The following SIL1 variants were observed in gnomAD, a reference collection of about 807,000 sequenced individuals.
SIL1 encodes SIL1 nucleotide exchange factor.
Under a neutral mutation model 49.1 loss-of-function variants are expected in SIL1, and 40 were observed. The observed-to-expected ratio is 0.81, with a 90% CI of 0.63 to 1.06. SIL1 has a LOEUF of 1.06. SIL1 is among the 50% of genes least tolerant of loss of function. The pLI is 0.00. For synonymous variants in SIL1, 253 were observed against 250.8 expected, an observed-to-expected ratio of 1.01 and a Z score of -0.08; for missense variants, 500 against 572.6, an observed-to-expected ratio of 0.87 and a Z score of 1.29.
chr5:138,996,261 G>T (rs1371600657), intron 7 of SIL1, among the ~76,000 whole-genome samples: 1 of 152,072 alleles, frequency 6.6e-6, no homozygotes, highest in African/African-American at 2.4e-5. Flanking sequence ...ATTTTAATTT[G>T]CATTTATCTG....
chr5:138,949,798 CAAAA>C (rs5871689), intron 9 of SIL1, among the ~76,000 whole-genome samples: 3 of 83,348 alleles, frequency 3.6e-5, no homozygotes, highest in Admixed American at 1.4e-4. Flanking sequence ...GACCCTGTCT[CAAAA>C]AAAAAAAAAA....
At chr5:139,170,239 T>C (rs1751723023) in intron 1 of SIL1, among the ~76,000 whole-genome samples, 2 of 152,012 alleles carry the variant, frequency 1.3e-5, no homozygotes, top group Non-Finnish European at 2.9e-5. Flanking sequence ...CCCAGCAGCC[T>C]GCCTTGGCCT....
At chr5:139,180,300 G>T (rs1031199866) in intron 1 of SIL1, among the ~76,000 whole-genome samples, 6 of 134,984 alleles carry the variant, frequency 4.4e-5, no homozygotes, top group Non-Finnish European at 9.2e-5. Flanking sequence ...AGAATCACAT[G>T]AAACCAGGAG....
At chr5:139,156,479 G>A (rs949295771) in intron 1 of SIL1, among the ~76,000 whole-genome samples, 1 of 152,032 alleles carries the variant, frequency 6.6e-6, no homozygotes, top group East Asian at 1.9e-4. Flanking sequence ...AGGATCCCTT[G>A]AGCCCAGGAG....
intron 4 of SIL1, among the ~76,000 whole-genome samples, chr5:139,049,369 G>T (rs1036132119): frequency 1.3e-5 from 2 of 152,168 alleles, no homozygotes; most frequent in Admixed American, 1.3e-4. Flanking sequence ...TAGAGACAGG[G>T]TTTCATCATG....
intron 3 of SIL1, among the ~76,000 whole-genome samples, chr5:139,113,095 G>A (rs1159342833): frequency 6.6e-6 from 1 of 151,900 alleles, no homozygotes; most frequent in African/African-American, 2.4e-5. Context: ...ATGCTTGAAG[G>A]CAGCATGCTC....
chr5:139,113,270 G>A (rs942020028), intron 3 of SIL1, among the ~76,000 whole-genome samples: 7 of 150,950 alleles, frequency 4.6e-5, no homozygotes, highest in East Asian at 1.9e-4. Context: ...CCCCCTCTGC[G>A]AGAAACACCC....
At chr5:139,051,303 T>C (rs1769279393) in intron 3 of SIL1, 7 of 518,298 alleles carry the variant, frequency 1.4e-5, no homozygotes, top group Admixed American at 6.3e-5. Flanking sequence ...TAGAGACCAA[T>C]GTCCCCCAGT....
At chr5:139,177,326 G>A (rs952121661) in intron 1 of SIL1, among the ~76,000 whole-genome samples, 2 of 152,016 alleles carry the variant, frequency 1.3e-5, no homozygotes, top group South Asian at 2.1e-4. Flanking sequence ...TGCAACCTCC[G>A]CCTCCTGCTT....
intron 1 of SIL1, among the ~76,000 whole-genome samples, chr5:139,165,222 CCTTT>C: frequency 6.6e-6 from 1 of 152,338 alleles, no homozygotes; most frequent in East Asian, 1.9e-4. Context: ...CTAAACATTT[CCTTT>C]CTATTGATCC....
intron 4 of SIL1, among the ~76,000 whole-genome samples, chr5:139,043,230 C>G (rs1391488553): frequency 6.6e-6 from 1 of 152,186 alleles, no homozygotes; most frequent in Admixed American, 6.5e-5. Context: ...CAGACAGAAG[C>G]CATCCACGAA....
chr5:139,161,543 C>T (rs978609320), intron 1 of SIL1, among the ~76,000 whole-genome samples: 1 of 152,176 alleles, frequency 6.6e-6, no homozygotes, highest in African/African-American at 2.4e-5. Context: ...GAACATCTGT[C>T]GGCTAACCCT....
intron 7 of SIL1, among the ~76,000 whole-genome samples, chr5:138,998,764 C>G (rs954372287): frequency 2.0e-5 from 3 of 152,096 alleles, no homozygotes; most frequent in African/African-American, 7.2e-5. Context: ...CAATTACTCT[C>G]CCACCAGGCC....
intron 7 of SIL1, among the ~76,000 whole-genome samples, chr5:138,977,443 C>T (rs1008058552): frequency 2.0e-5 from 3 of 152,140 alleles, no homozygotes; most frequent in African/African-American, 7.2e-5. Flanking sequence ...TTCCTTCTCT[C>T]CCGCAAAGCA....
At chr5:139,008,409 C>T (rs1282954609) in intron 7 of SIL1, among the ~76,000 whole-genome samples, 2 of 124,888 alleles carry the variant, frequency 1.6e-5, no homozygotes. Flanking sequence ...TTTCAAAAAA[C>T]CAGCTCCTGG....
At chr5:139,077,676 A>G (rs1178957391) in intron 3 of SIL1, among the ~76,000 whole-genome samples, 1 of 152,210 alleles carries the variant, frequency 6.6e-6, no homozygotes, top group African/African-American at 2.4e-5. Flanking sequence ...GAAAGGGCAG[A>G]GTAGAGGGCA....
intron 3 of SIL1, among the ~76,000 whole-genome samples, chr5:139,088,602 T>C (rs1281894395): frequency 2.0e-5 from 3 of 152,224 alleles, no homozygotes; most frequent in African/African-American, 7.2e-5. Flanking sequence ...AGACTGCCTA[T>C]ACTGTGGCAG....
chr5:139,079,619 TACTA>T (rs1770030914), intron 3 of SIL1, among the ~76,000 whole-genome samples: 1 of 152,300 alleles, frequency 6.6e-6, no homozygotes, highest in African/African-American at 2.4e-5. Flanking sequence ...GAAAATAACT[TACTA>T]ACAAAGGGCA....
At chr5:139,171,963 TAAAA>T (rs1380464310) in intron 1 of SIL1, among the ~76,000 whole-genome samples, 1 of 151,774 alleles carries the variant, frequency 6.6e-6, no homozygotes, top group Admixed American at 6.6e-5. Context: ...ATAACTGAAA[TAAAA>T]AATTCACTAG....
Sources: gnomAD v4.1 joint callset for allele counts (sites outside exome capture counted in the v4.1 genomes callset) on GRCh38, gnomAD v4.1.1 for gene constraint, MANE v1.5 for transcripts, NCBI Gene and HGNC (gene_info 2026-07-23, HGNC 2026-07-21) for gene names.